Variants in PRKN observed in about 807,000 individuals in gnomAD.
PRKN encodes the protein parkin RBR E3 ubiquitin protein ligase, also known as E3 ubiquitin-protein ligase parkin.
In PRKN, 56 loss-of-function variants were observed where a neutral mutation model predicts 59.5. The observed-to-expected ratio is 0.94, with a 90% CI of 0.76 to 1.18. PRKN has a LOEUF of 1.18. Among genes scored for constraint, PRKN ranks in the 50% most tolerant of loss-of-function variants. The pLI is 0.00. For missense variants in PRKN, 657 were observed against 596.4 expected, an observed-to-expected ratio of 1.10 and a Z score of -1.06; for synonymous variants, 250 against 222.1, an observed-to-expected ratio of 1.13 and a Z score of -1.12.
chr6:162,179,968 CTG>C (rs61592555), intron 4 of PRKN, among the ~76,000 whole-genome samples: 4,286 of 139,706 alleles, frequency 0.031, 169 homozygotes, highest in African/African-American at 0.093. Context: ...TATCTTATTA[CTG>C]TGTGTGTGTG....
chr6:162,393,155 C>CTATTTTTTTTTTTTTTTTTTT (rs1787290048), intron 2 of PRKN, among the ~76,000 whole-genome samples: 1 of 80,190 alleles, frequency 1.2e-5, no homozygotes, highest in Non-Finnish European at 2.3e-5. Context: ...ATAGGAGATT[C>CTATTTTTTTTTTTTTTTTTTT]TTTTTTTTTT....
At chr6:161,806,888 G>C (rs1021830070) in intron 6 of PRKN, among the ~76,000 whole-genome samples, 39 of 152,266 alleles carry the variant, frequency 2.6e-4, no homozygotes, top group African/African-American at 9.1e-4. Context: ...TTGAGAACAT[G>C]TGAAATTTTT....
chr6:162,072,561 C>A (rs916740820), intron 4 of PRKN, among the ~76,000 whole-genome samples: 5 of 152,166 alleles, frequency 3.3e-5, no homozygotes, highest in Admixed American at 6.5e-5. Context: ...TTTATTCGTG[C>A]AATTTCCTAA....
At chr6:161,715,113 C>T (rs1312080155) in intron 7 of PRKN, among the ~76,000 whole-genome samples, 1 of 152,188 alleles carries the variant, frequency 6.6e-6, no homozygotes, top group Non-Finnish European at 1.5e-5. Flanking sequence ...GTCCACATTG[C>T]TGGGTTTTTA....
intron 4 of PRKN, among the ~76,000 whole-genome samples, chr6:162,198,487 A>T (rs977623765): frequency 1.1e-4 from 16 of 152,106 alleles, no homozygotes; most frequent in African/African-American, 3.6e-4. Flanking sequence ...CATACATAAA[A>T]TAGTAATATT....
At chr6:161,782,176 GA>G (rs1432397265) in intron 7 of PRKN, among the ~76,000 whole-genome samples, 3 of 151,996 alleles carry the variant, frequency 2.0e-5, no homozygotes, top group Non-Finnish European at 4.4e-5. Context: ...TGCCAGTAAG[GA>G]AAAAGTAAGC....
intron 6 of PRKN, among the ~76,000 whole-genome samples, chr6:161,935,462 G>C (rs1779320556): frequency 6.6e-6 from 1 of 151,526 alleles, no homozygotes; most frequent in Non-Finnish European, 1.5e-5. Context: ...GCTGAGGTGG[G>C]AGGATTGCTT....
intron 9 of PRKN, among the ~76,000 whole-genome samples, chr6:161,500,555 T>C (rs1033781897): frequency 6.6e-6 from 1 of 152,156 alleles, no homozygotes; most frequent in African/African-American, 2.4e-5. Flanking sequence ...AACCACACAG[T>C]ATGTAGTCTT....
chr6:162,470,120 A>T (rs996541396), intron 1 of PRKN, among the ~76,000 whole-genome samples: 1 of 152,180 alleles, frequency 6.6e-6, no homozygotes. Context: ...TCTATCAATG[A>T]CAGGTCTCCC....
At position 161,461,487 on chromosome 6, in the gene PRKN, G is replaced by A. The variant is rs768774128; in HGVS notation, c.1084-74610C>T. Among the ~76,000 whole-genome samples, 2 of 152,188 alleles carry A rather than the reference G, an allele frequency of 1.3e-5. No homozygotes were observed. The highest frequency in any genetic ancestry group is 2.9e-5 in the Non-Finnish European group (2 of 68,042). ...TACTAGGGGGAATACACTCAAGGCA[G>A]GAAGAGTGTAGGTTGTTCCAGTAGT... On this transcript the variant is annotated intron_variant, in intron 9 of 11. Transcript: ENST00000366898. This position sits in a 1 kb window ranked among gnomAD's most constrained non-coding sequence, Gnocchi z 5.1.
At chr6:161,887,367 A>C (rs1298160312) in intron 6 of PRKN, among the ~76,000 whole-genome samples, 1 of 152,228 alleles carries the variant, frequency 6.6e-6, no homozygotes, top group African/African-American at 2.4e-5. Flanking sequence ...TGATGTAGTT[A>C]ATTTGATAAA....
intron 4 of PRKN, among the ~76,000 whole-genome samples, chr6:162,141,149 A>AATAT (rs1179573060): frequency 6.9e-6 from 1 of 145,550 alleles, no homozygotes; most frequent in Admixed American, 6.9e-5. Flanking sequence ...TAAATAAATA[A>AATAT]ATAAAAATAA....
chr6:162,584,395 G>C (rs1780926601), intron 1 of PRKN, among the ~76,000 whole-genome samples: 1 of 152,014 alleles, frequency 6.6e-6, no homozygotes, highest in African/African-American at 2.4e-5. Context: ...AAAGTCAATT[G>C]CTGAGAGGAA....
At chr6:161,874,655 T>TGTA (rs1794594850) in intron 6 of PRKN, among the ~76,000 whole-genome samples, 2 of 3,246 alleles carry the variant, frequency 6.2e-4, no homozygotes, top group East Asian at 0.019. Context: ...ATATAAAATG[T>TGTA]ATAATAAAAT....
chr6:161,851,206 C>T (rs1793419019), intron 6 of PRKN, among the ~76,000 whole-genome samples: 1 of 152,052 alleles, frequency 6.6e-6, no homozygotes, highest in Non-Finnish European at 1.5e-5. Context: ...TGCATTTGGC[C>T]CATTTCTCTT....
chr6:162,602,257 G>T (rs147463248), intron 1 of PRKN, among the ~76,000 whole-genome samples: 4 of 152,294 alleles, frequency 2.6e-5, no homozygotes, highest in Non-Finnish European at 5.9e-5. Flanking sequence ...GGAGAGAAGA[G>T]AGAAGAGAAG....
At chr6:161,976,601 C>G (rs1051092246) in intron 5 of PRKN, among the ~76,000 whole-genome samples, 1 of 152,174 alleles carries the variant, frequency 6.6e-6, no homozygotes, top group Non-Finnish European at 1.5e-5. Context: ...CCTTCAATGG[C>G]CAGCTCAAGG....
intron 9 of PRKN, among the ~76,000 whole-genome samples, chr6:161,489,749 T>C (rs183423106): frequency 7.7e-4 from 118 of 152,300 alleles, no homozygotes; most frequent in African/African-American, 2.7e-3. Context: ...CTTCCTTGAA[T>C]TGTTGAGACC....
At chr6:162,474,814 T>A (rs1451397432) in intron 1 of PRKN, among the ~76,000 whole-genome samples, 1 of 152,176 alleles carries the variant, frequency 6.6e-6, no homozygotes, top group Non-Finnish European at 1.5e-5. Flanking sequence ...AATAGCCTAT[T>A]TCCTGTGCTG....
Sources: gnomAD v4.1 joint callset for allele counts (sites outside exome capture counted in the v4.1 genomes callset) on GRCh38, gnomAD v4.1.1 for gene constraint, Gnocchi (gnomAD v3.1) non-coding constraint, MANE v1.5 for transcripts, NCBI Gene and HGNC (gene_info 2026-07-23, HGNC 2026-07-21) for gene names.